Variants in BCL9 observed in about 807,000 individuals in gnomAD.
BCL9 encodes B-cell CLL/lymphoma 9 protein.
Under a neutral mutation model 88.5 loss-of-function variants are expected in BCL9, and 25 were observed. That is an observed-to-expected ratio of 0.28 (90% confidence interval 0.21 to 0.39). The LOEUF (loss-of-function observed/expected upper bound fraction) is 0.39. Ranked by LOEUF, BCL9 falls within the 10% of genes least tolerant of loss-of-function variation. The pLI is 1.00. For synonymous variants in BCL9, 711 were observed against 673.3 expected (o/e 1.06, Z -0.87); for missense variants, 1,817 against 1,877.8 (o/e 0.97, Z 0.60).
chr1:147,561,167 G>A (rs1046816159), intron 1 of BCL9, among the ~76,000 whole-genome samples: 1 of 152,200 alleles, frequency 6.6e-6, no homozygotes, highest in Non-Finnish European at 1.5e-5. Context: ...GTACAGCAAA[G>A]AATTAGGAAA....
At chr1:147,601,856 C>G (rs1266307776) in intron 1 of BCL9, among the ~76,000 whole-genome samples, 1 of 152,094 alleles carries the variant, frequency 6.6e-6, no homozygotes, top group Non-Finnish European at 1.5e-5. Context: ...TGTTTGAGGG[C>G]TTGGATAAAA....
At chr1:147,611,136 A>G (rs1436889384) in intron 3 of BCL9, among the ~76,000 whole-genome samples, 1 of 152,128 alleles carries the variant, frequency 6.6e-6, no homozygotes, top group African/African-American at 2.4e-5. Flanking sequence ...GGGTTGTTTC[A>G]TTTCAGTGCT....
At chr1:147,621,888 T>C (rs915127682) in intron 8 of BCL9, among the ~76,000 whole-genome samples, 40 of 152,118 alleles carry the variant, frequency 2.6e-4, no homozygotes, top group African/African-American at 9.7e-4. Context: ...TAGTCTGGCT[T>C]CATAGCATAC....
intron 1 of BCL9, among the ~76,000 whole-genome samples, chr1:147,563,482 G>T (rs1199739751): frequency 6.6e-6 from 1 of 152,204 alleles, no homozygotes; most frequent in Non-Finnish European, 1.5e-5. Context: ...ATGGGGTTAG[G>T]ACTCAAGAGA....
chr1:147,624,170 CTTCCCAGGAGGGATGGGT>C lies in BCL9; in HGVS notation c.3503_3520del (p.Gly1168_Gly1173del). ...ATGGCCCCAGTGGGGGGCAGGGCAGCTTCCCAGGAGGGATGGGTTTCCCAGGAGAAGGCCCCCTTGGCC... is the reference window on the plus strand; with the variant it reads ...ATGGCCCCAGTGGGGGGCAGGGCAGCTTCCCAGGAGAAGGCCCCCTTGGCC... On this transcript the variant is annotated inframe_deletion, in exon 10 of 10. Transcript: ENST00000234739. The surrounding 1 kb of genome is among the most constrained non-coding windows in gnomAD (Gnocchi z 4.4). 1 of 1,599,694 alleles carries C rather than the reference CTTCCCAGGAGGGATGGGT, an allele frequency of 6.3e-7. No homozygotes were observed. Among genetic ancestry groups the C allele is most frequent in the South Asian group, 1.1e-5 (1 of 89,124 alleles).
At chr1:147,556,813 A>T (rs782573431) in intron 1 of BCL9, among the ~76,000 whole-genome samples, 81 of 152,178 alleles carry the variant, frequency 5.3e-4, no homozygotes, top group Non-Finnish European at 1.1e-3. Flanking sequence ...CACTTGAGAC[A>T]GCTCCTGCTC....
intron 1 of BCL9, among the ~76,000 whole-genome samples, chr1:147,558,923 T>C (rs969765940): frequency 6.6e-6 from 1 of 152,146 alleles, no homozygotes; most frequent in Non-Finnish European, 1.5e-5. Context: ...CAGCACCTCA[T>C]CACATAAGTA....
At chr1:147,549,970 C>G (rs1199554586) in intron 1 of BCL9, among the ~76,000 whole-genome samples, 1 of 152,178 alleles carries the variant, frequency 6.6e-6, no homozygotes, top group Non-Finnish European at 1.5e-5. Context: ...CCAGAATCTA[C>G]TCTCTCTACT....
chr1:147,591,312 G>A (rs1006863078), intron 1 of BCL9, among the ~76,000 whole-genome samples: 2 of 151,970 alleles, frequency 1.3e-5, no homozygotes, highest in Non-Finnish European at 2.9e-5. Context: ...TTATCTATCT[G>A]TATTCCCCAC....
chr1:147,545,021 T>G (rs1654492053), intron 1 of BCL9, among the ~76,000 whole-genome samples: 1 of 152,184 alleles, frequency 6.6e-6, no homozygotes, highest in Non-Finnish European at 1.5e-5. Flanking sequence ...CCATCTTTTT[T>G]TTTAAGATTA....
chr1:147,561,263 C>T (rs1553196071), intron 1 of BCL9, among the ~76,000 whole-genome samples: 1 of 152,108 alleles, frequency 6.6e-6, no homozygotes, highest in East Asian at 1.9e-4. Context: ...ACATTATTTC[C>T]CATAAACCTA....
At position 147,581,813 on chromosome 1, in the gene BCL9, A is replaced by G. The variant is rs999841283; in HGVS notation, c.-477-22964A>G. On this transcript the variant is annotated intron_variant, in intron 1 of 9. Coordinates refer to ENST00000234739, the MANE Select transcript of BCL9 (RefSeq NM_004326.4). Reference sequence around the variant, plus strand: ...CCTGAGTCTGTTTTTCATTGCAGATATTTGTCAGGTTTTTACATCTAGGTT... The same window carrying G: ...CCTGAGTCTGTTTTTCATTGCAGATGTTTGTCAGGTTTTTACATCTAGGTT... Among the ~76,000 whole-genome samples, 5 of 152,096 alleles carry G rather than the reference A, an allele frequency of 3.3e-5. No individual in the cohort carries two copies. The East Asian group carries it at 7.7e-4, about 23-fold the overall frequency.
chr1:147,598,844 A>G (rs1410860165), intron 1 of BCL9, among the ~76,000 whole-genome samples: 3 of 152,232 alleles, frequency 2.0e-5, no homozygotes, highest in South Asian at 4.1e-4. Flanking sequence ...AGACAGATCT[A>G]TAATAACGGT....
Position 147,603,515 on chromosome 1 carries a change from A to T in BCL9, c.-477-1262A>T, listed in dbSNP as rs1053447323. On this transcript the variant is annotated intron_variant, in intron 1 of 9. Transcript: ENST00000234739. ...AGGGTTTTTTGTTTTGTTTTTTTTTAAATTGAGACAGAGTCTTGCTCTGTT... is the reference window on the plus strand; with the variant it reads ...AGGGTTTTTTGTTTTGTTTTTTTTTTAATTGAGACAGAGTCTTGCTCTGTT... Among the ~76,000 whole-genome samples, 115 of 151,622 alleles carry T rather than the reference A, an allele frequency of 7.6e-4. 2 individuals are homozygous for T. The highest frequency in any genetic ancestry group is 2.0e-3 in the Admixed American group (30 of 15,234).
At chr1:147,585,850 T>C (rs1447429027) in intron 1 of BCL9, among the ~76,000 whole-genome samples, 1 of 152,166 alleles carries the variant, frequency 6.6e-6, no homozygotes, top group Non-Finnish European at 1.5e-5. Context: ...CACCTGCTTT[T>C]CCAAGGAGGA....
At chr1:147,621,142 G>C (rs1360118473) in intron 8 of BCL9, 85 bp downstream of exon 8, 5 of 1,385,198 alleles carry the variant, frequency 3.6e-6, no homozygotes, top group Non-Finnish European at 4.9e-6. Flanking sequence ...CTGGTGTCTT[G>C]AGTACACAGA....
intron 1 of BCL9, among the ~76,000 whole-genome samples, chr1:147,549,124 G>A (rs587665212): frequency 6.6e-6 from 1 of 151,672 alleles, no homozygotes; most frequent in East Asian, 1.9e-4. Context: ...TTACAGGTGT[G>A]CACCATGACA....
At chr1:147,580,526 C>T (rs1656319584) in intron 1 of BCL9, among the ~76,000 whole-genome samples, 1 of 152,126 alleles carries the variant, frequency 6.6e-6, no homozygotes, top group African/African-American at 2.4e-5. Context: ...GCATCGTGCA[C>T]AGTGGTTTGT....
At chr1:147,614,403 T>G in intron 5 of BCL9, 24 bp from the exon 6 acceptor site, 1 of 1,609,008 alleles carries the variant, frequency 6.2e-7, no homozygotes, top group South Asian at 1.1e-5. Context: ...ATTCTTTCTG[T>G]GACGAGTCAT....
Sources: allele counts gnomAD v4.1 joint callset (sites outside exome capture counted in the v4.1 genomes callset), GRCh38; gene constraint gnomAD v4.1.1; non-coding constraint Gnocchi (gnomAD v3.1); transcripts MANE v1.5; gene names NCBI Gene and HGNC (gene_info 2026-07-23, HGNC 2026-07-21).